PER2: variants seen among roughly 807,000 people sequenced by gnomAD.
PER2 encodes period circadian regulator 2.
In PER2, 66 loss-of-function variants were observed where a neutral mutation model predicts 121.0. The ratio of observed to expected loss-of-function variants is 0.55; its 90% CI spans 0.45 to 0.67. The LOEUF is 0.67. Ranked by LOEUF, PER2 falls within the 30% of genes least tolerant of loss-of-function variation. The pLI, the probability that PER2 is intolerant of heterozygous loss-of-function variation, is 0.00. For synonymous variants in PER2, 684 were observed against 659.9 expected, an observed-to-expected ratio of 1.04 and a Z score of -0.56; for missense variants, 1,521 against 1,635.0, an observed-to-expected ratio of 0.93 and a Z score of 1.20.
upstream of PER2, among the ~76,000 whole-genome samples, chr2:238,293,056 C>A (rs200783117): frequency 7.7e-6 from 1 of 130,502 alleles, no homozygotes; most frequent in Non-Finnish European, 1.6e-5. Flanking sequence ...TTTTTTTTTT[C>A]ATCATACATA....
chr2:238,275,923 C>T, intron 3 of PER2, 26 bp from the exon 4 acceptor site: 1 of 1,613,708 alleles, frequency 6.2e-7, no homozygotes, highest in Non-Finnish European at 8.5e-7. Flanking sequence ...AAGAGGCAGC[C>T]AAATGTTAGC....
At position 238,258,295 on chromosome 2, in the gene PER2, G is replaced by A; in HGVS notation, c.1881C>T (p.Ser627=). The stretch of plus-strand genomic sequence containing the variant: ...AGATACCTCCAGCGTGTGGCCCTGG[G>A]CTGACTGTGGCCTTCCGCTTATCAC... ...RSSDKRKATV[S]PGPHAGEAEP... The change falls in exon 16 of 23, where the codon AGC becomes AGT. Residue 627 remains serine, a synonymous_variant. Coordinates refer to ENST00000254657, the MANE Select transcript of PER2 (RefSeq NM_022817.3). The A allele has an allele frequency of 6.2e-7, 1 of 1,614,172 alleles. No homozygotes were observed. Among genetic ancestry groups the A allele is most frequent in the African/African-American group, 1.3e-5 (1 of 75,046 alleles).
intron 13 of PER2, 63 bp downstream of exon 13, chr2:238,260,765 C>T (rs1695901132): frequency 1.3e-6 from 2 of 1,596,648 alleles, no homozygotes; most frequent in East Asian, 2.2e-5. Flanking sequence ...CTTGAGTGTG[C>T]TTTTTAACTC....
rs762568228 is a variant in PER2, at chr2:238,273,062, A to T, written c.570+8T>A. The T allele has an allele frequency of 1.5e-5, 25 of 1,613,956 alleles. No individual in the cohort carries two copies. Among genetic ancestry groups the T allele is most frequent in the Non-Finnish European group, 1.9e-5 (23 of 1,179,940 alleles). ...TTTTAGAAAGAAACTTTGCGGAAAG[A>T]GGCTTACGGCATTCTTCACAATGTG... On this transcript the variant is annotated splice_region_variant and intron_variant, in intron 5 of 22. Coordinates refer to ENST00000254657, the MANE Select transcript of PER2 (RefSeq NM_022817.3).
intron 1 of PER2, among the ~76,000 whole-genome samples, chr2:238,286,052 T>C (rs77942338): frequency 0.021 from 3,147 of 152,204 alleles, 51 homozygotes; most frequent in Non-Finnish European, 0.029. Context: ...GGGGAGGCAT[T>C]GTCTTGGCCT....
At chr2:238,263,169 C>A (rs1695989169) in intron 9 of PER2, 111 bp from the exon 10 acceptor site, 1 of 719,660 alleles carries the variant, frequency 1.4e-6, no homozygotes, top group Non-Finnish European at 2.5e-6. Context: ...AACCCCACCC[C>A]CTCCCCCACC....
At chr2:238,279,947 C>A (rs1226113581) in intron 1 of PER2, among the ~76,000 whole-genome samples, 1 of 152,210 alleles carries the variant, frequency 6.6e-6, no homozygotes, top group Non-Finnish European at 1.5e-5. Context: ...ATGGAAGGCC[C>A]AAGCCATGGC....
intron 8 of PER2, among the ~76,000 whole-genome samples, chr2:238,267,478 G>C (rs954816971): frequency 6.6e-6 from 1 of 152,224 alleles, no homozygotes; most frequent in Non-Finnish European, 1.5e-5. Flanking sequence ...GGCATACAGA[G>C]GCACAGCAAG....
intron 8 of PER2, among the ~76,000 whole-genome samples, chr2:238,266,125 G>A (rs577235098): frequency 5.9e-5 from 9 of 151,910 alleles, no homozygotes; most frequent in Non-Finnish European, 8.8e-5. Context: ...GGATGGTCTC[G>A]ATCTCCTGAC....
rs1318682771 is a variant in PER2, at chr2:238,253,046, G to A, written c.2977C>T (p.Leu993=). ...TCAGGGGCTTCCTCCAGCTGCAGCA[G>A]GTTGAGCTGCAGGGGCGAGCTGCTG... ...SRSSSPLQLN[L]LQLEEAPEGG... is the part of the protein sequence containing the mutation. The change falls in exon 19 of 23, where the codon CTG becomes TTG. Residue 993 remains leucine, a synonymous_variant. Coordinates refer to ENST00000254657, the MANE Select transcript of PER2 (RefSeq NM_022817.3). The surrounding 1 kb of genome is among the most constrained non-coding windows in gnomAD (Gnocchi z 5.6). 1 of 1,613,876 alleles carries A rather than the reference G, an allele frequency of 6.2e-7. No individual in the cohort carries two copies. Among genetic ancestry groups the A allele is most frequent in the Non-Finnish European group, 8.5e-7 (1 of 1,179,958 alleles).
At chr2:238,255,485 CG>C (rs1559324591) in intron 18 of PER2, 171 bp downstream of exon 18, 3 of 722,142 alleles carry the variant, frequency 4.2e-6, no homozygotes, top group Non-Finnish European at 7.3e-6. Flanking sequence ...AGCACCCCCC[CG>C]GTGGGAAGTT....
intron 10 of PER2, 105 bp downstream of exon 10, chr2:238,262,847 T>C: frequency 1.3e-6 from 1 of 793,056 alleles, no homozygotes; most frequent in Non-Finnish European, 2.2e-6. Flanking sequence ...TGCTTGTCCT[T>C]AGCTGATCTG....
rs148816754 is a variant in PER2 at position 238,250,569 on chromosome 2, G to A, written c.3449C>T (p.Thr1150Met). ...TGGTTACCGGGAAGGCAGCTGGTACGTCATCATGACGCTGCTGTCCGCATC... is the reference window on the plus strand; with the variant it reads ...TGGTTACCGGGAAGGCAGCTGGTACATCATCATGACGCTGCTGTCCGCATC... ...MADADSSVMM[T>M]YQLPSRNLEA... is the part of the protein sequence containing the mutation. The change falls in exon 21 of 23, where the codon ACG becomes ATG. Residue 1150 changes from threonine to methionine, a missense_variant. By Grantham distance (81) the Thr-to-Met change is moderately conservative (BLOSUM62 -1). Coordinates refer to ENST00000254657, the MANE Select transcript of PER2 (RefSeq NM_022817.3). 3.0e-5 allele frequency: 48 copies of A among 1,612,674 alleles called. No individual in the cohort carries two copies. In the African/African-American group the frequency reaches 4.3e-4, roughly 14 times the overall value.
intron 4 of PER2, among the ~76,000 whole-genome samples, chr2:238,274,830 G>A (rs1696403398): frequency 6.6e-6 from 1 of 152,120 alleles, no homozygotes; most frequent in Non-Finnish European, 1.5e-5. Context: ...AATGGACAGT[G>A]GGATTAGGGA....
At chr2:238,295,573 T>A in the PER2 span, 1 of 152,280 alleles carries the variant, frequency 6.6e-6, no homozygotes, top group African/African-American at 2.4e-5. Flanking sequence ...CCTCGAGCGG[T>A]GAGTGACCGC....
chr2:238,266,122 C>A (rs894443091), intron 8 of PER2, among the ~76,000 whole-genome samples: 1 of 152,096 alleles, frequency 6.6e-6, no homozygotes, highest in Non-Finnish European at 1.5e-5. Context: ...CCAGGATGGT[C>A]TCGATCTCCT....
In PER2 at chr2:238,253,305, G is replaced by C. The variant is rs754911169; in HGVS notation, c.2718C>G (p.Phe906Leu). Residue 906 changes from phenylalanine to leucine, a missense_variant, in exon 19 of 23, where the codon TTC becomes TTG. Coordinates refer to ENST00000254657, the MANE Select transcript of PER2 (RefSeq NM_022817.3). The surrounding 1 kb of genome is among the most constrained non-coding windows in gnomAD (Gnocchi z 5.6). ...FPAPLAPVMAFMLPSYSFPSG... is the reference protein window; with the variant it reads ...FPAPLAPVMALMLPSYSFPSG... ...AGGGGAAGGAATAACTGGGTAGCAT[G>C]AATGCCATGACAGGCGCCAAAGGGG... The C allele has an allele frequency of 3.1e-6, 5 of 1,613,640 alleles. No individual in the cohort carries two copies. Among genetic ancestry groups the C allele is most frequent in the Non-Finnish European group, 4.2e-6 (5 of 1,179,744 alleles).
At chr2:238,281,461 C>T (rs538706019) in intron 1 of PER2, among the ~76,000 whole-genome samples, 80 of 152,264 alleles carry the variant, frequency 5.3e-4, no homozygotes, top group African/African-American at 1.7e-3. Flanking sequence ...AAGTCAGGAA[C>T]AAAATAAGCA....
rs771308581 is a variant in PER2, at chr2:238,245,408, G to A, written c.*967C>T. 10 of 394,792 alleles carry A rather than the reference G, an allele frequency of 2.5e-5. No homozygotes were observed. Among genetic ancestry groups the A allele is most frequent in the Non-Finnish European group, 4.5e-5 (10 of 224,136 alleles). The allele number at this position is 394,792 out of a possible 1,614,324, so 24.5% of individuals were successfully genotyped here. ...CACCCCTGAAAATACAGATGCAGTC[G>A]CAAGCTGTCAGACTGAGTGGCAGTG... On this transcript the variant is annotated 3_prime_UTR_variant, in exon 23 of 23. Transcript: ENST00000254657.
Sources: gnomAD v4.1 joint callset for allele counts (sites outside exome capture counted in the v4.1 genomes callset) on GRCh38, gnomAD v4.1.1 for gene constraint, Gnocchi (gnomAD v3.1) non-coding constraint, MANE v1.5 for transcripts, NCBI Gene and HGNC (gene_info 2026-07-23, HGNC 2026-07-21) for gene names.